TTLL8: variants seen among roughly 807,000 people sequenced by gnomAD.
TTLL8 encodes tubulin tyrosine ligase like 8.
In TTLL8, 65 loss-of-function variants were observed where a neutral mutation model predicts 77.8. That is an observed-to-expected ratio of 0.84 (90% CI 0.68 to 1.03). The LOEUF is 1.03. Ranked by LOEUF, TTLL8 falls within the 50% of genes least tolerant of loss-of-function variation. TTLL8 has a pLI of 0.00. For missense variants in TTLL8, 910 were observed against 1,004.5 expected (o/e 0.91, Z 1.27); for synonymous variants, 402 against 422.8 (o/e 0.95, Z 0.60).
chr22:50,030,273 C>G, intron 12 of TTLL8, 157 bp downstream of exon 13: 2 of 985,370 alleles, frequency 2.0e-6, no homozygotes, highest in Non-Finnish European at 2.4e-6. Context: ...CCCCGCTCCC[C>G]GGCTCCCGCC....
At chr22:50,042,446 G>T (rs915014175) in intron 6 of TTLL8, among the ~76,000 whole-genome samples, 1 of 152,124 alleles carries the variant, frequency 6.6e-6, no homozygotes, top group Non-Finnish European at 1.5e-5. Flanking sequence ...GAACAGCTGG[G>T]ATTACAGGTG....
Position 50,047,298 on chromosome 22 carries a change from T to C in TTLL8, c.265-2A>G, listed in dbSNP as rs1249806230. 1 of 1,367,298 alleles carries C rather than the reference T, an allele frequency of 7.3e-7. No homozygotes were observed. The highest frequency in any genetic ancestry group is 1.9e-5 in the Admixed American group (1 of 52,492). 84.7% of individuals were successfully genotyped at this position (1,367,298 alleles called of 1,614,324 possible). Reference sequence around the variant, plus strand: ...CATCTCATTTTTTACCAACCTAGACTGGCAAGAAAAAAGTCTTTATTGATG... The same window carrying C: ...CATCTCATTTTTTACCAACCTAGACCGGCAAGAAAAAAGTCTTTATTGATG... On this transcript the variant is annotated splice_acceptor_variant, in intron 3 of 13. Transcript: ENST00000266182. LOFTEE classifies it high-confidence loss of function.
chr22:50,023,738 A>G, intron 12 of TTLL8, among the ~76,000 whole-genome samples: 1 of 151,506 alleles, frequency 6.6e-6, no homozygotes, highest in East Asian at 1.9e-4. Context: ...ATGAAAATTC[A>G]GGCCAGGTGC....
chr22:50,037,851 A>G (rs1010319793), intron 8 of TTLL8, among the ~76,000 whole-genome samples: 1 of 152,120 alleles, frequency 6.6e-6, no homozygotes, highest in African/African-American at 2.4e-5. Flanking sequence ...TTCTTAAATC[A>G]TTCATATTTC....
upstream of TTLL8, among the ~76,000 whole-genome samples, chr22:50,056,259 C>T (rs1001754986): frequency 6.6e-6 from 1 of 152,168 alleles, no homozygotes; most frequent in Non-Finnish European, 1.5e-5. This position sits in a 1 kb window ranked among gnomAD's most constrained non-coding sequence, Gnocchi z 4.1. Context: ...AGTCCCGGAA[C>T]CGCACTCCGA....
At chr22:50,050,117 C>T (rs755324595) in exon 2 of TTLL8, 21 of 1,366,998 alleles carry the variant, frequency 1.5e-5, no homozygotes, top group Middle Eastern at 2.1e-4. Flanking sequence ...ACCATTGACC[C>T]GGGCGCCTTC....
chr22:50,028,471 G>A (rs1358558944), intron 12 of TTLL8, among the ~76,000 whole-genome samples: 1 of 152,174 alleles, frequency 6.6e-6, no homozygotes, highest in Non-Finnish European at 1.5e-5. Flanking sequence ...GCTGCAGGAG[G>A]AACTTCGCCT....
chr22:50,041,235 G>T lies in TTLL8; in HGVS notation c.873C>A (p.Ile291=), dbSNP rs760091317. The T allele has an allele frequency of 2.1e-6, 1 of 485,132 alleles. No individual in the cohort carries two copies. Among genetic ancestry groups the T allele is most frequent in the Non-Finnish European group, 4.1e-6 (1 of 243,156 alleles). 30.1% of individuals were successfully genotyped at this position (485,132 alleles called of 1,614,324 possible). A position where few individuals can be genotyped will look rare whatever the true frequency, so the allele number is the denominator to read the frequency against. ...GCTCAAATGACATCATAACCTTCTG[G>T]ATTTTGAAGATGCACAAGACAATGC... The change falls in exon 8 of 14, where the codon ATC becomes ATA. Residue 291 remains isoleucine, a synonymous_variant. Transcript: ENST00000266182. This position sits in a 1 kb window ranked among gnomAD's most constrained non-coding sequence, Gnocchi z 4.3.
intron 8 of TTLL8, among the ~76,000 whole-genome samples, chr22:50,040,633 G>GATT (rs2061364968): frequency 6.6e-6 from 1 of 152,194 alleles, no homozygotes; most frequent in African/African-American, 2.4e-5. Context: ...GTACAAATAT[G>GATT]ATTATACACT....
chr22:50,030,385 A>C, intron 12 of TTLL8, 45 bp downstream of exon 13: 1 of 1,263,118 alleles, frequency 7.9e-7, no homozygotes, highest in Non-Finnish European at 1.0e-6. Context: ...GGGATGCAGC[A>C]GGCGGCCCCC....
chr22:50,050,262 G>C lies in TTLL8; in HGVS notation c.52-15C>G. ...ATCTTCTTCTCCTAAAATGGCAAGA[G>C]GATATTTTATTTTATTTCAATCATT... On this transcript the variant is annotated splice_polypyrimidine_tract_variant and intron_variant, in intron 1 of 13. Transcript: ENST00000266182. The C allele has an allele frequency of 7.7e-7, 1 of 1,306,638 alleles. No homozygotes were observed. The highest frequency in any genetic ancestry group is 1.5e-5 in the African/African-American group (1 of 65,994). The allele number at this position is 1,306,638 out of a possible 1,614,324, so 80.9% of individuals were successfully genotyped here.
intron 5 of TTLL8, 191 bp downstream of exon 7, chr22:50,045,665 C>A (rs1484294924): frequency 1.4e-6 from 1 of 737,042 alleles, no homozygotes; most frequent in African/African-American, 1.9e-5. Flanking sequence ...CAGAACCACA[C>A]ACTCCTTGAC....
At chr22:50,056,794 C>T, upstream of TTLL8, 1 of 1,289,130 alleles carries the variant, frequency 7.8e-7, no homozygotes, top group Non-Finnish European at 1.0e-6. This position sits in a 1 kb window ranked among gnomAD's most constrained non-coding sequence, Gnocchi z 4.1. Flanking sequence ...TGGCAGCAGG[C>T]TGCAGCCAGC....
At chr22:50,033,232 G>A (rs370036624) in exon 10 of TTLL8, 1 of 1,356,328 alleles carries the variant, frequency 7.4e-7, no homozygotes, top group Non-Finnish European at 9.8e-7. Flanking sequence ...GAAGCGCTGA[G>A]TTGAGAACCG....
chr22:50,029,190 A>AC (rs11419811), intron 12 of TTLL8, among the ~76,000 whole-genome samples: 6 of 13,552 alleles, frequency 4.4e-4, no homozygotes, highest in Admixed American at 7.2e-4. Context: ...CGTCCTGAAG[A>AC]CCCCACACAC....
chr22:50,031,473 T>G, intron 11 of TTLL8: 1 of 900,924 alleles, frequency 1.1e-6, no homozygotes, highest in Non-Finnish European at 1.3e-6. Context: ...GAGTAGCCCC[T>G]TCCTCGGTGC....
upstream of TTLL8, chr22:50,055,034 TG>T (rs2061463571): frequency 3.2e-6 from 2 of 633,142 alleles, no homozygotes; most frequent in Non-Finnish European, 2.0e-6. Flanking sequence ...CACTCCAGCC[TG>T]GGCAACAAAG....
chr22:50,018,864 C>T (rs1032237101), intron 12 of TTLL8, among the ~76,000 whole-genome samples, 73 bp from the exon 14 acceptor site: 2 of 152,214 alleles, frequency 1.3e-5, no homozygotes, highest in African/African-American at 2.4e-5. Context: ...CTAAGGGACA[C>T]TGTCTTGAGC....
exon 12 of TTLL8, chr22:50,030,632 G>A: frequency 7.7e-7 from 1 of 1,290,824 alleles, no homozygotes; most frequent in Non-Finnish European, 1.0e-6. Context: ...CTTTGGTGCG[G>A]GTGGGCTGTG....
Sources: allele counts gnomAD v4.1 joint callset (sites outside exome capture counted in the v4.1 genomes callset), GRCh38; gene constraint gnomAD v4.1.1; non-coding constraint Gnocchi (gnomAD v3.1); transcripts MANE v1.5; gene names NCBI Gene and HGNC (gene_info 2026-07-23, HGNC 2026-07-21).